PRR16: variants seen among roughly 807,000 people sequenced by gnomAD.
PRR16 encodes proline rich 16, also known as protein Largen.
In PRR16, 6 loss-of-function variants were observed where a neutral mutation model predicts 18.2. The observed-to-expected ratio is 0.33, with a 90% CI of 0.18 to 0.65. The LOEUF is 0.65. PRR16 is among the 30% of genes least tolerant of loss of function. The pLI, the probability that PRR16 is intolerant of heterozygous loss-of-function variation, is 0.74. For synonymous variants in PRR16, 151 were observed against 147.8 expected (o/e 1.02, Z -0.16); for missense variants, 412 against 376.6 (o/e 1.09, Z -0.78).
the PRR16 span, among the ~76,000 whole-genome samples, chr5:120,730,857 A>G: frequency 2.6e-5 from 4 of 152,122 alleles, no homozygotes; most frequent in Non-Finnish European, 4.4e-5. Flanking sequence ...CACATCATCT[A>G]TGTTTAAATT....
chr5:120,667,774 T>A (rs983223393), intron 1 of PRR16, among the ~76,000 whole-genome samples: 1 of 152,134 alleles, frequency 6.6e-6, no homozygotes, highest in Non-Finnish European at 1.5e-5. Context: ...TTTGAGAGAG[T>A]TTCTTAATCC....
In PRR16 at chr5:120,652,072, A is replaced by G. The variant is rs573001362; in HGVS notation, c.160-33882A>G. 9.1e-4 allele frequency among the ~76,000 whole-genome samples: 138 copies of G among 152,096 alleles called. 1 individual carries two copies. The highest frequency in any genetic ancestry group is 1.7e-3 in the Non-Finnish European group (114 of 67,980). Reference sequence around the variant, plus strand: ...CCCTTGTAAGTCAAATGATTTTTATACCTGGATTATTTTTATACTTTCAAG... The same window carrying G: ...CCCTTGTAAGTCAAATGATTTTTATGCCTGGATTATTTTTATACTTTCAAG... On this transcript the variant is annotated intron_variant, in intron 1 of 1. Transcript: ENST00000407149.
chr5:120,548,502 CAG>C (rs2112695038), intron 1 of PRR16, among the ~76,000 whole-genome samples: 1 of 152,126 alleles, frequency 6.6e-6, no homozygotes, highest in Non-Finnish European at 1.5e-5. Flanking sequence ...TTAGTTGAAT[CAG>C]GGTTGTTATA....
At chr5:120,579,941 C>A (rs1412751122) in intron 1 of PRR16, among the ~76,000 whole-genome samples, 1 of 152,066 alleles carries the variant, frequency 6.6e-6, no homozygotes, top group Admixed American at 6.5e-5. Flanking sequence ...TTGAAGAAGT[C>A]CTTCACTTCC....
intron 1 of PRR16, among the ~76,000 whole-genome samples, chr5:120,469,020 A>T (rs992217467): frequency 6.6e-6 from 1 of 152,188 alleles, no homozygotes; most frequent in Non-Finnish European, 1.5e-5. Context: ...GTATGTCAGC[A>T]TTGTTGCCAT....
chr5:120,700,493 G>A, the PRR16 span, among the ~76,000 whole-genome samples: 22 of 152,048 alleles, frequency 1.4e-4, no homozygotes, highest in East Asian at 5.8e-4. Context: ...GAAGAAGGGT[G>A]GCAATGAGAT....
chr5:120,485,574 A>G (rs1749770145), intron 1 of PRR16, among the ~76,000 whole-genome samples: 1 of 152,178 alleles, frequency 6.6e-6, no homozygotes. Context: ...ATAGAGTAAA[A>G]CACAGTGAAC....
chr5:120,767,479 G>A, the PRR16 span, among the ~76,000 whole-genome samples: 5 of 151,802 alleles, frequency 3.3e-5, no homozygotes, highest in South Asian at 1.0e-3. Context: ...AGTGATGTCA[G>A]GAAAGACATA....
chr5:120,620,006 A>G (rs1164826038), intron 1 of PRR16, among the ~76,000 whole-genome samples: 1 of 152,132 alleles, frequency 6.6e-6, no homozygotes, highest in South Asian at 2.1e-4. Context: ...TGAAATAAGA[A>G]TGTATAGTGT....
At chr5:120,655,342 A>G (rs75092484) in intron 1 of PRR16, among the ~76,000 whole-genome samples, 8,699 of 150,980 alleles carry the variant, frequency 0.058, 305 homozygotes, top group South Asian at 0.083. Context: ...AGAATTTTCA[A>G]TGGATGATTT....
chr5:120,681,950 A>C (rs547781811), intron 1 of PRR16, among the ~76,000 whole-genome samples: 1 of 152,060 alleles, frequency 6.6e-6, no homozygotes, highest in Non-Finnish European at 1.5e-5. Context: ...CTTGTTTGAA[A>C]CTGTGTACTT....
In PRR16 at chr5:120,604,922, C is replaced by T. The variant is rs373007393; in HGVS notation, c.160-81032C>T. On this transcript the variant is annotated intron_variant, in intron 1 of 1. Transcript: ENST00000407149. ...ATTCACTGTTAGACTGCTGACATTA[C>T]CTTTGTATATAACCTGTCCCTTCTC... 2.0e-5 allele frequency among the ~76,000 whole-genome samples: 3 copies of T among 152,236 alleles called. No individual in the cohort carries two copies. In the South Asian group the frequency reaches 6.2e-4, roughly 32 times the overall value.
the PRR16 span, among the ~76,000 whole-genome samples, chr5:120,707,834 C>A: frequency 6.6e-6 from 1 of 152,144 alleles, no homozygotes; most frequent in South Asian, 2.1e-4. Flanking sequence ...GAAAAAGTTG[C>A]CAGGGGCTCT....
At chr5:120,650,789 C>G (rs1306380846) in intron 1 of PRR16, among the ~76,000 whole-genome samples, 1 of 151,952 alleles carries the variant, frequency 6.6e-6, no homozygotes, top group Non-Finnish European at 1.5e-5. Context: ...AATAAACATA[C>G]GTGTGCATGT....
chr5:120,709,477 ATTTC>A, the PRR16 span, among the ~76,000 whole-genome samples: 1 of 152,082 alleles, frequency 6.6e-6, no homozygotes, highest in African/African-American at 2.4e-5. Context: ...AATATTTATC[ATTTC>A]TTTATGTTGT....
At chr5:120,707,431 T>C in the PRR16 span, among the ~76,000 whole-genome samples, 1,293 of 152,330 alleles carry the variant, frequency 8.5e-3, 12 homozygotes, top group African/African-American at 0.028. Context: ...CTCTTCTAGA[T>C]ACTTTTGGAG....
At chr5:120,770,745 T>C in the PRR16 span, among the ~76,000 whole-genome samples, 2 of 152,050 alleles carry the variant, frequency 1.3e-5, no homozygotes, top group Non-Finnish European at 2.9e-5. Context: ...CCAATTTTCA[T>C]AACTTTTATC....
chr5:120,699,288 ATAAC>A, the PRR16 span, among the ~76,000 whole-genome samples: 4 of 152,222 alleles, frequency 2.6e-5, no homozygotes, highest in Non-Finnish European at 4.4e-5. Flanking sequence ...GTACTATAGC[ATAAC>A]CTGTCTTTGC....
chr5:120,509,016 A>T (rs1750736597), intron 1 of PRR16, among the ~76,000 whole-genome samples: 1 of 152,104 alleles, frequency 6.6e-6, no homozygotes, highest in Non-Finnish European at 1.5e-5. Flanking sequence ...GTGAAGTTGA[A>T]AATATACACT....
Sources: allele counts gnomAD v4.1 joint callset (sites outside exome capture counted in the v4.1 genomes callset), GRCh38; gene constraint gnomAD v4.1.1; transcripts MANE v1.5; gene names NCBI Gene and HGNC (gene_info 2026-07-23, HGNC 2026-07-21).